The following PIK3R4 variants were observed in gnomAD, a reference collection of about 807,000 sequenced individuals.
The protein encoded by PIK3R4 is phosphoinositide 3-kinase regulatory subunit 4.
Under a neutral mutation model 136.5 loss-of-function variants are expected in PIK3R4, and 46 were observed. The observed-to-expected ratio is 0.34, with a 90% CI of 0.27 to 0.43. PIK3R4 has a LOEUF of 0.43. Among genes scored for constraint, PIK3R4 ranks in the 20% least tolerant of loss-of-function variants. PIK3R4 has a pLI of 1.00. For synonymous variants in PIK3R4, 557 were observed against 566.7 expected, an observed-to-expected ratio of 0.98 and a Z score of 0.24; for missense variants, 1,331 against 1,649.5, an observed-to-expected ratio of 0.81 and a Z score of 3.35.
rs2066730701 is a variant in PIK3R4 at position 130,726,192 on chromosome 3, G to T, written c.1807+2271C>A. ...GAAAATAATTTAAATATCCAAAAGG[G>T]TTAAATTTTTGCAAAACTATATAAA... On this transcript the variant is annotated intron_variant, in intron 6 of 19. Transcript: ENST00000356763. Among the ~76,000 whole-genome samples, 3 of 151,640 alleles carry T rather than the reference G, an allele frequency of 2.0e-5. No individual in the cohort carries two copies. The South Asian group carries it at 6.2e-4, about 31-fold the overall frequency.
chr3:130,691,218 T>C (rs1576451490), intron 13 of PIK3R4, among the ~76,000 whole-genome samples: 1 of 152,206 alleles, frequency 6.6e-6, no homozygotes, highest in East Asian at 1.9e-4. Flanking sequence ...TCAGTTATTC[T>C]ATCACACAGC....
intron 6 of PIK3R4, among the ~76,000 whole-genome samples, chr3:130,725,226 T>C (rs1330754413): frequency 6.6e-6 from 1 of 151,802 alleles, no homozygotes; most frequent in Non-Finnish European, 1.5e-5. Flanking sequence ...AAATATATAA[T>C]AATGTAAATT....
At chr3:130,722,405 A>G (rs2066706748) in intron 7 of PIK3R4, among the ~76,000 whole-genome samples, 1 of 152,202 alleles carries the variant, frequency 6.6e-6, no homozygotes, top group African/African-American at 2.4e-5. Flanking sequence ...AAGGTCCAGA[A>G]AAATCTCCAC....
At chr3:130,691,945 GC>G (rs2066522190) in intron 13 of PIK3R4, among the ~76,000 whole-genome samples, 1 of 148,550 alleles carries the variant, frequency 6.7e-6, no homozygotes, top group Non-Finnish European at 1.5e-5. Flanking sequence ...TGCGATCTGG[GC>G]TCACCACAAG....
chr3:130,699,625 A>C (rs2066565051), intron 13 of PIK3R4, among the ~76,000 whole-genome samples: 1 of 152,212 alleles, frequency 6.6e-6, no homozygotes, highest in South Asian at 2.1e-4. Flanking sequence ...CAAAGTTCTC[A>C]GAAAATTGAC....
intron 15 of PIK3R4, 36 bp from the exon 16 acceptor site, chr3:130,684,417 T>A: frequency 6.3e-7 from 1 of 1,581,352 alleles, no homozygotes; most frequent in Non-Finnish European, 8.7e-7. Flanking sequence ...TACCATCTAA[T>A]GATCAAAGTG....
rs772185645 is a variant in PIK3R4 at position 130,734,007 on chromosome 3, A to G, written c.991T>C (p.Phe331Leu). ...GCAGAAAGAAACGTTTCCTTGGCAA[A>G]CTGGGCCATGTAGGGCTGAAGAAAA... ...YTFLQPYMAQ[F>L]AKETFLSADE... Residue 331 changes from phenylalanine (F) to leucine (L), a missense_variant, in exon 4 of 20, where the codon TTT (phenylalanine) becomes CTT (leucine). Physicochemically the swap from Phe to Leu is conservative, Grantham distance 22. Transcript: ENST00000356763. The G allele has an allele frequency of 6.2e-7, 1 of 1,614,168 alleles. No individual in the cohort carries two copies. The highest frequency in any genetic ancestry group is 8.5e-7 in the Non-Finnish European group (1 of 1,180,006).
At position 130,733,588 on chromosome 3, in the gene PIK3R4, T is replaced by G. The variant is rs1452903821; in HGVS notation, c.1410A>C (p.Leu470Phe). The G allele has an allele frequency of 6.2e-7, 1 of 1,613,826 alleles. No homozygotes were observed. The highest frequency in any genetic ancestry group is 8.5e-7 in the Non-Finnish European group (1 of 1,179,800). ...TAACGATAGTAGCATCATCTTGGGC[T>G]AAGTGGGCTATGCCTGGCAGAATGT... ...PEYILPGIAH[L>F]AQDDATIVRL... is the part of the protein sequence containing the mutation. Residue 470 changes from leucine (L) to phenylalanine (F), a missense_variant, in exon 4 of 20, where the codon TTA (leucine) becomes TTC (phenylalanine). Transcript: ENST00000356763.
chr3:130,681,690 T>C, intron 16 of PIK3R4, 99 bp from the exon 17 acceptor site: 1 of 649,632 alleles, frequency 1.5e-6, no homozygotes, highest in South Asian at 1.9e-5. Context: ...AAGAAAAATT[T>C]CTTTCTTTCT....
chr3:130,708,442 C>G lies in PIK3R4; in HGVS notation c.2382G>C (p.Met794Ile), dbSNP rs756730742. 1 of 1,613,526 alleles carries G rather than the reference C, an allele frequency of 6.2e-7. No homozygotes were observed. ...TGGCCTTTGCTTTATTAGATTTCAT[C>G]ATGAAGTCTTTCAGTGCCAGAAGTT... ...EDKLLALKDF[M>I]MKSNKAKANI... Residue 794 changes from methionine to isoleucine, a missense_variant, in exon 10 of 20, where the codon ATG (methionine) becomes ATC (isoleucine). By Grantham distance (10) the Met-to-Ile change is conservative. Around this residue, in one of 2 missense-constraint regions of PIK3R4, gnomAD observed 1,180 missense variants for 1,407.0 expected, o/e 0.84. Coordinates refer to ENST00000356763, the MANE Select transcript of PIK3R4 (RefSeq NM_014602.3).
chr3:130,727,412 A>G (rs965250392), intron 6 of PIK3R4, among the ~76,000 whole-genome samples: 2 of 151,866 alleles, frequency 1.3e-5, no homozygotes, highest in East Asian at 1.9e-4. Context: ...TTTAGTAGAG[A>G]CGGGGTTTCA....
chr3:130,727,339 G>GC (rs138669368), intron 6 of PIK3R4, among the ~76,000 whole-genome samples: 29,224 of 151,470 alleles, frequency 0.19, 3,064 homozygotes, highest in South Asian at 0.35. Context: ...TCCTGCCTCA[G>GC]CCCCCCTCCC....
chr3:130,743,337 T>C (rs986850911), intron 2 of PIK3R4, among the ~76,000 whole-genome samples: 11 of 151,946 alleles, frequency 7.2e-5, no homozygotes, highest in Admixed American at 3.3e-4. Flanking sequence ...AAGAGGATCA[T>C]TGGAGTTGGA....
At chr3:130,732,248 A>G (rs911882548) in intron 4 of PIK3R4, among the ~76,000 whole-genome samples, 1 of 152,194 alleles carries the variant, frequency 6.6e-6, no homozygotes, top group Non-Finnish European at 1.5e-5. Flanking sequence ...AACAACCTAG[A>G]GCAGATTTTT....
At chr3:130,705,032 T>C (rs1006580647) in intron 12 of PIK3R4, among the ~76,000 whole-genome samples, 40 of 152,206 alleles carry the variant, frequency 2.6e-4, no homozygotes, top group African/African-American at 9.2e-4. Flanking sequence ...GGTGTCACCA[T>C]GTTAACCAAG....
At chr3:130,730,490 T>C in intron 4 of PIK3R4, 48 bp from the exon 5 acceptor site, 1 of 1,352,464 alleles carries the variant, frequency 7.4e-7, no homozygotes, top group Non-Finnish European at 1.0e-6. Context: ...CTTAACTCTC[T>C]GTAAAGCTTA....
At chr3:130,721,117 C>T (rs1054770706) in intron 7 of PIK3R4, among the ~76,000 whole-genome samples, 2 of 151,740 alleles carry the variant, frequency 1.3e-5, no homozygotes, top group South Asian at 2.1e-4. Context: ...GGGCGGATCA[C>T]GAGGTCAGGA....
intron 9 of PIK3R4, among the ~76,000 whole-genome samples, chr3:130,708,743 C>CT (rs890993817): frequency 1.1e-4 from 16 of 152,012 alleles, no homozygotes; most frequent in Non-Finnish European, 2.1e-4. Context: ...AACTTTCTTC[C>CT]TAAAGGACAG....
intron 2 of PIK3R4, among the ~76,000 whole-genome samples, chr3:130,739,145 C>T (rs2066804544): frequency 6.6e-6 from 1 of 152,208 alleles, no homozygotes; most frequent in Non-Finnish European, 1.5e-5. Flanking sequence ...GGCGCTATCT[C>T]AGCTCACTGC....
Sources: allele counts gnomAD v4.1 joint callset (sites outside exome capture counted in the v4.1 genomes callset), GRCh38; gene constraint gnomAD v4.1.1; regional missense constraint gnomAD v4.1.1; transcripts MANE v1.5; gene names NCBI Gene and HGNC (gene_info 2026-07-23, HGNC 2026-07-21).